DDHD1: variants seen among roughly 807,000 people sequenced by gnomAD.
DDHD1 encodes DDHD domain containing 1, also known as phospholipase DDHD1.
A neutral mutation model predicts 96.4 loss-of-function variants in DDHD1; 49 were observed. The observed-to-expected ratio is 0.51, with a 90% confidence interval of 0.40 to 0.64. The LOEUF (loss-of-function observed/expected upper bound fraction) is 0.64. Ranked by LOEUF, DDHD1 falls within the 30% of genes least tolerant of loss-of-function variation. The pLI is 0.00. For synonymous variants in DDHD1, 442 were observed against 446.5 expected, an observed-to-expected ratio of 0.99 and a Z score of 0.13; for missense variants, 1,106 against 1,161.2, an observed-to-expected ratio of 0.95 and a Z score of 0.69.
At chr14:53,058,777 C>T (rs1184139179) in intron 8 of DDHD1, 151 bp from the exon 9 acceptor site, 2 of 624,616 alleles carry the variant, frequency 3.2e-6, no homozygotes, top group Non-Finnish European at 5.4e-6. Context: ...ATGGGCTCTG[C>T]CAACCATTAA....
chr14:53,123,986 C>T (rs905124810), intron 1 of DDHD1, among the ~76,000 whole-genome samples: 1 of 151,598 alleles, frequency 6.6e-6, no homozygotes, highest in African/African-American at 2.4e-5. Context: ...AATCCCAGCA[C>T]TTTAGGAGGC....
chr14:53,142,871 T>C (rs540977350), intron 1 of DDHD1, among the ~76,000 whole-genome samples: 2 of 151,928 alleles, frequency 1.3e-5, no homozygotes, highest in East Asian at 3.9e-4. Context: ...CATTTGAGAG[T>C]TGATTATCAA....
At chr14:53,072,096 A>G (rs28444740) in intron 6 of DDHD1, among the ~76,000 whole-genome samples, 4,790 of 152,176 alleles carry the variant, frequency 0.031, 250 homozygotes, top group African/African-American at 0.11. Flanking sequence ...ACTAAACAGA[A>G]TTCTCCTTTC....
intron 2 of DDHD1, chr14:53,096,196 G>A (rs1271116615): frequency 8.1e-6 from 8 of 985,118 alleles, no homozygotes; most frequent in African/African-American, 1.7e-5. Context: ...AAGGGAGGGA[G>A]AAGGGAGGGA....
chr14:53,097,856 G>A (rs1595170671), intron 2 of DDHD1, among the ~76,000 whole-genome samples: 2 of 151,896 alleles, frequency 1.3e-5, no homozygotes, highest in African/African-American at 4.8e-5. Flanking sequence ...CCTATACACA[G>A]AGAAACAAAG....
At chr14:53,129,098 C>G (rs1889674205) in intron 1 of DDHD1, among the ~76,000 whole-genome samples, 1 of 152,242 alleles carries the variant, frequency 6.6e-6, no homozygotes, top group African/African-American at 2.4e-5. Flanking sequence ...AGCCAACCTG[C>G]ACCCAGGTGA....
At chr14:53,117,803 A>G (rs371341921) in intron 1 of DDHD1, among the ~76,000 whole-genome samples, 5 of 152,128 alleles carry the variant, frequency 3.3e-5, no homozygotes, top group African/African-American at 9.7e-5. Flanking sequence ...GGGAGTAGTG[A>G]TTCTCTCAGC....
At chr14:53,122,615 T>C (rs1250615768) in intron 1 of DDHD1, among the ~76,000 whole-genome samples, 2 of 151,392 alleles carry the variant, frequency 1.3e-5, no homozygotes, top group Non-Finnish European at 2.9e-5. Context: ...TCTCACACTA[T>C]TGCCCAGGCT....
At chr14:53,103,427 T>C (rs1159390915) in intron 2 of DDHD1, 3 of 390,160 alleles carry the variant, frequency 7.7e-6, no homozygotes, top group East Asian at 4.4e-5. Flanking sequence ...AGGGAGTGCA[T>C]TGTAACAATC....
At chr14:53,078,727 C>T (rs889079840) in intron 4 of DDHD1, among the ~76,000 whole-genome samples, 19 of 152,098 alleles carry the variant, frequency 1.2e-4, no homozygotes, top group Admixed American at 1.1e-3. Context: ...CTGGCTGAAA[C>T]GTACAGTACA....
intron 1 of DDHD1, among the ~76,000 whole-genome samples, chr14:53,113,915 T>C (rs544795366): frequency 1.3e-5 from 2 of 152,238 alleles, no homozygotes; most frequent in South Asian, 4.1e-4. Context: ...GGGAGCCAAG[T>C]GGTCTCGCTC....
chr14:53,090,764 C>G (rs1021719059), intron 4 of DDHD1, among the ~76,000 whole-genome samples: 1 of 152,004 alleles, frequency 6.6e-6, no homozygotes, highest in African/African-American at 2.4e-5. Flanking sequence ...GGAGAAATAC[C>G]TAATGTAAAT....
intron 8 of DDHD1, among the ~76,000 whole-genome samples, chr14:53,058,898 C>A (rs2139851347): frequency 6.6e-6 from 1 of 152,124 alleles, no homozygotes; most frequent in African/African-American, 2.4e-5. Flanking sequence ...ATACACAAAT[C>A]AAATATTTAT....
At chr14:53,083,843 G>C (rs1259370822) in intron 4 of DDHD1, among the ~76,000 whole-genome samples, 1 of 152,092 alleles carries the variant, frequency 6.6e-6, no homozygotes, top group East Asian at 1.9e-4. Flanking sequence ...TAAGTTATGT[G>C]TAGAATTTTC....
chr14:53,094,222 A>C (rs1886683983), intron 2 of DDHD1, among the ~76,000 whole-genome samples: 2 of 151,978 alleles, frequency 1.3e-5, no homozygotes, highest in South Asian at 4.2e-4. Context: ...ACAAAATAAG[A>C]CTCAGAGGGG....
intron 1 of DDHD1, among the ~76,000 whole-genome samples, chr14:53,136,554 A>AT (rs1890257658): frequency 6.6e-6 from 1 of 152,230 alleles, no homozygotes; most frequent in African/African-American, 2.4e-5. Context: ...GCTTATGCAC[A>AT]TAAAGGAGAA....
chr14:53,126,057 G>A (rs1425171917), intron 1 of DDHD1, among the ~76,000 whole-genome samples: 1 of 151,952 alleles, frequency 6.6e-6, no homozygotes, highest in African/African-American at 2.4e-5. Flanking sequence ...CTGAAGATAG[G>A]GTCCAGAAAT....
intron 4 of DDHD1, among the ~76,000 whole-genome samples, chr14:53,077,092 AC>A (rs1228089794): frequency 6.6e-6 from 1 of 152,118 alleles, no homozygotes; most frequent in South Asian, 2.1e-4. Context: ...ATTTTCATTC[AC>A]TGCATCCCTA....
chr14:53,136,285 A>G (rs1890238591), intron 1 of DDHD1, among the ~76,000 whole-genome samples: 2 of 152,224 alleles, frequency 1.3e-5, no homozygotes, highest in South Asian at 4.1e-4. Context: ...TTGCTCACAC[A>G]AAACCTGTTT....
Sources: gnomAD v4.1 joint callset for allele counts (sites outside exome capture counted in the v4.1 genomes callset) on GRCh38, gnomAD v4.1.1 for gene constraint, MANE v1.5 for transcripts, NCBI Gene and HGNC (gene_info 2026-07-23, HGNC 2026-07-21) for gene names.